The following SSBP1 variants were observed in gnomAD, a reference collection of about 807,000 sequenced individuals.
SSBP1 encodes the protein single-stranded DNA-binding protein, mitochondrial.
A neutral mutation model predicts 27.0 loss-of-function variants in SSBP1; 20 were observed. The ratio of observed to expected loss-of-function variants is 0.74; its 90% CI spans 0.52 to 1.08. SSBP1 has a LOEUF of 1.08. Ranked by LOEUF, SSBP1 falls within the 50% of genes least tolerant of loss-of-function variation. The probability of loss-of-function intolerance (pLI) is 0.00; values close to 1 mark genes in which losing one functional copy is unlikely to be tolerated. For synonymous variants in SSBP1, 59 were observed against 59.3 expected (o/e 1.00, Z 0.02); for missense variants, 137 against 182.4 (o/e 0.75, Z 1.44).
rs1799919028 is a variant in SSBP1, at chr7:141,750,405, C to CTTT, written c.*51_*52insTTT. ...ATTTGGTACAGTCTCATTTCCAAGTCATGTATAATCTTTATGGCTTCCAAG... is the reference window on the plus strand; with the variant it reads ...ATTTGGTACAGTCTCATTTCCAAGTCTTTATGTATAATCTTTATGGCTTCCAAG... On this transcript the variant is annotated 3_prime_UTR_variant, in exon 7 of 7. Coordinates refer to ENST00000265304, the MANE Select transcript of SSBP1 (RefSeq NM_003143.3). 7.0e-7 allele frequency: 1 copy of CTTT among 1,422,554 alleles called. No individual in the cohort carries two copies. Among genetic ancestry groups the CTTT allele is most frequent in the Admixed American group, 2.4e-5 (1 of 42,062 alleles). 88.1% of individuals were successfully genotyped at this position (1,422,554 alleles called of 1,614,324 possible).
chr7:141,743,481 A>T, intron 3 of SSBP1, 80 bp from the exon 4 acceptor site: 4 of 1,528,752 alleles, frequency 2.6e-6, no homozygotes, highest in Non-Finnish European at 3.6e-6. Context: ...TAGAGCTTCA[A>T]CATACAAATT....
chr7:141,749,704 C>T lies in SSBP1; in HGVS notation c.404-607C>T, dbSNP rs560228335. ...GGCTGAGGCAGGAGAATCGCTTGAACCCAGGAGGCAGAGGTTGCAGTAAGC... is the reference window on the plus strand; with the variant it reads ...GGCTGAGGCAGGAGAATCGCTTGAATCCAGGAGGCAGAGGTTGCAGTAAGC... On this transcript the variant is annotated intron_variant, in intron 6 of 6. Transcript: ENST00000265304. Among the ~76,000 whole-genome samples, 11 of 152,298 alleles carry T rather than the reference C, an allele frequency of 7.2e-5. No individual in the cohort carries two copies. In the South Asian group the frequency reaches 2.3e-3, roughly 32 times the overall value.
chr7:141,743,074 C>T (rs909339213), intron 3 of SSBP1, among the ~76,000 whole-genome samples: 1 of 152,318 alleles, frequency 6.6e-6, no homozygotes, highest in Middle Eastern at 3.4e-3. Flanking sequence ...AGCATGGTCT[C>T]TCTCTCCTGA....
chr7:141,741,207 A>G (rs1228244422), intron 2 of SSBP1: 1 of 152,230 alleles, frequency 6.6e-6, no homozygotes, highest in Non-Finnish European at 1.5e-5. Flanking sequence ...ATCAGGCATT[A>G]GTTAGATTCT....
At chr7:141,740,985 GA>G (rs1799505642) in intron 2 of SSBP1, 1 of 152,170 alleles carries the variant, frequency 6.6e-6, no homozygotes, top group African/African-American at 2.4e-5. Context: ...TCTGACTTTG[GA>G]ATATGTTCCT....
chr7:141,745,898 A>G, intron 6 of SSBP1: 1 of 1,068,402 alleles, frequency 9.4e-7, no homozygotes, highest in Non-Finnish European at 1.1e-6. Context: ...TTTTGGAAGG[A>G]TCTAGCCCTA....
chr7:141,739,261 C>G, intron 2 of SSBP1, 71 bp downstream of exon 2: 1 of 1,324,374 alleles, frequency 7.6e-7, no homozygotes, highest in South Asian at 1.5e-5. Flanking sequence ...CTTCTTTAGG[C>G]TTTTAACTAC....
chr7:141,738,987 G>A (rs755561010), intron 1 of SSBP1, 137 bp from the exon 2 acceptor site: 2 of 494,962 alleles, frequency 4.0e-6, no homozygotes, highest in African/African-American at 2.0e-5. Flanking sequence ...CATCAGATGT[G>A]CAGGAATGTT....
At chr7:141,746,669 C>G (rs1413047232) in intron 6 of SSBP1, 1 of 152,128 alleles carries the variant, frequency 6.6e-6, no homozygotes, top group Non-Finnish European at 1.5e-5. Context: ...AAACAAAATA[C>G]AGTACAACAT....
intron 6 of SSBP1, among the ~76,000 whole-genome samples, chr7:141,748,886 T>C (rs1799874086): frequency 6.6e-6 from 1 of 152,236 alleles, no homozygotes; most frequent in Admixed American, 6.5e-5. Context: ...GTGATATTAA[T>C]TCGAGTAGTT....
rs761460057 is a variant in SSBP1 at position 141,743,689 on chromosome 7, G to A, written c.214G>A (p.Val72Ile). 3 of 1,614,000 alleles carry A rather than the reference G, an allele frequency of 1.9e-6. No homozygotes were observed. The highest frequency in any genetic ancestry group is 2.2e-5 in the South Asian group (2 of 91,074). Residue 72 changes from valine (V) to isoleucine (I), a missense_variant, in exon 4 of 7, where the codon GTT (valine) becomes ATT (isoleucine). Around this residue, in one of 2 missense-constraint regions of SSBP1, gnomAD observed 95 missense variants for 152.0 expected, o/e 0.62. Transcript: ENST00000265304. ...NEMWRSGDSE[V>I]YQLGDVSQKT... ...GATGTGGCGATCAGGGGATAGTGAAGTTTACCAACTGGGTGAGTACAAAAG... is the reference window on the plus strand; with the variant it reads ...GATGTGGCGATCAGGGGATAGTGAAATTTACCAACTGGGTGAGTACAAAAG...
intron 6 of SSBP1, chr7:141,745,921 C>T (rs997776545): frequency 1.5e-4 from 158 of 1,033,084 alleles, no homozygotes; most frequent in East Asian, 3.2e-4. Context: ...CAGGAAGAAG[C>T]GTATGCCAAG....
At chr7:141,745,843 C>A in intron 6 of SSBP1, 1 of 1,181,910 alleles carries the variant, frequency 8.5e-7, no homozygotes, top group Non-Finnish European at 1.0e-6. Flanking sequence ...ATTATCCATC[C>A]CAGTACTTAT....
At chr7:141,747,790 A>G (rs1799837527) in intron 6 of SSBP1, among the ~76,000 whole-genome samples, 1 of 151,420 alleles carries the variant, frequency 6.6e-6, no homozygotes, top group African/African-American at 2.4e-5. Context: ...TTTGAAGTCA[A>G]GAGTTCAAGA....
rs754824853 is a variant in SSBP1 at position 141,750,368 on chromosome 7, TC to T, written c.*15del. 2 of 1,592,380 alleles carry T rather than the reference TC, an allele frequency of 1.3e-6. No homozygotes were observed. Among genetic ancestry groups the T allele is most frequent in the South Asian group, 2.3e-5 (2 of 87,456 alleles). On this transcript the variant is annotated 3_prime_UTR_variant, in exon 7 of 7. Transcript: ENST00000265304. ...GAGAAGGAGTAGAAAGGATGATTCT[TC>T]TTTGGCCATCATTTGGTACAGTCTC...
chr7:141,738,895 G>A (rs1799393591), intron 1 of SSBP1: 2 of 361,160 alleles, frequency 5.5e-6, no homozygotes, highest in East Asian at 4.4e-5. Context: ...AAATTTTGTC[G>A]ATGGGTTGGA....
At position 141,742,212 on chromosome 7, in the gene SSBP1, G is replaced by A. The variant is rs756837609; in HGVS notation, c.68G>A (p.Ser23Asn). ...AGACATGAGTCCGAAACAACTACCAGTTTGGTTCTTGAAAGATGTAAGTAG... is the reference window on the plus strand; with the variant it reads ...AGACATGAGTCCGAAACAACTACCAATTTGGTTCTTGAAAGATGTAAGTAG... The part of the protein sequence containing the change: ...FVRHESETTT[S>N]LVLERSLNRV... The change falls in exon 3 of 7, where the codon AGT becomes AAT. Residue 23 changes from serine (S) to asparagine (N), a missense_variant. Transcript: ENST00000265304. The A allele has an allele frequency of 1.2e-6, 2 of 1,604,934 alleles. No homozygotes were observed. The highest frequency in any genetic ancestry group is 1.1e-5 in the South Asian group (1 of 90,434).
intron 6 of SSBP1, among the ~76,000 whole-genome samples, chr7:141,748,332 T>G (rs1799858373): frequency 6.6e-6 from 1 of 152,222 alleles, no homozygotes; most frequent in African/African-American, 2.4e-5. Flanking sequence ...CCTTGATAAC[T>G]TCATAAACAT....
rs576273072 is a variant in SSBP1 at position 141,739,462 on chromosome 7, T to A, written c.24+272T>A. The stretch of plus-strand genomic sequence containing the variant: ...CTTGAATTTAACCAGTGAGAGGACA[T>A]TAAAGGTCTTTAGTGACCTAAAGAC... On this transcript the variant is annotated intron_variant, in intron 2 of 6. Transcript: ENST00000265304. 6 of 328,182 alleles carry A rather than the reference T, an allele frequency of 1.8e-5. No homozygotes were observed. In the South Asian group the frequency reaches 4.1e-4, roughly 23 times the overall value. 20.3% of individuals were successfully genotyped at this position (328,182 alleles called of 1,614,324 possible). A position where few individuals can be genotyped will look rare whatever the true frequency, so the allele number is the denominator to read the frequency against.
Sources: allele counts gnomAD v4.1 joint callset (sites outside exome capture counted in the v4.1 genomes callset), GRCh38; gene constraint gnomAD v4.1.1; regional missense constraint gnomAD v4.1.1; transcripts MANE v1.5; gene names NCBI Gene and HGNC (gene_info 2026-07-23, HGNC 2026-07-21).